The following DECR1 variants were observed in gnomAD, a reference collection of about 807,000 sequenced individuals.
DECR1 encodes 2,4-dienoyl-CoA reductase [(3E)-enoyl-CoA-producing], mitochondrial.
A neutral mutation model predicts 38.8 loss-of-function variants in DECR1; 44 were observed. That is an observed-to-expected ratio of 1.13 (90% CI 0.89 to 1.46). DECR1 has a LOEUF of 1.46. Among genes scored for constraint, DECR1 ranks in the 40% most tolerant of loss-of-function variants. The pLI, the probability that DECR1 is intolerant of heterozygous loss-of-function variation, is 0.00. For synonymous variants in DECR1, 148 were observed against 135.2 expected (o/e 1.09, Z -0.66); for missense variants, 428 against 405.5 (o/e 1.06, Z -0.48).
intron 5 of DECR1, among the ~76,000 whole-genome samples, chr8:90,032,508 C>T (rs548772517): frequency 1.3e-5 from 2 of 152,188 alleles, no homozygotes; most frequent in African/African-American, 4.8e-5. Flanking sequence ...TGTAATCTTT[C>T]TTAATGTCTT....
Position 90,017,217 on chromosome 8 carries a change from A to G in DECR1, c.163A>G (p.Asn55Asp), listed in dbSNP as rs1813030432. ...TCTTCAAAAAGCGATGCTACCACCT[A>G]ATAGTTTTCAAGGAAAAGTGGCATT... ...SPLQKAMLPPNSFQGKVAFIT... is the reference protein window; with the variant it reads ...SPLQKAMLPPDSFQGKVAFIT... Residue 55 changes from asparagine to aspartate, a missense_variant, in exon 2 of 10, where the codon AAT becomes GAT. By Grantham distance (23) the Asn-to-Asp change is conservative. Transcript: ENST00000220764. The G allele has an allele frequency of 6.2e-7, 1 of 1,613,954 alleles. No homozygotes were observed. Among genetic ancestry groups the G allele is most frequent in the African/African-American group, 1.3e-5 (1 of 74,902 alleles).
At chr8:90,005,832 A>G in intron 1 of DECR1, 1 of 300,732 alleles carries the variant, frequency 3.3e-6, no homozygotes, top group Non-Finnish European at 6.5e-6. Context: ...GGCTGCTTGC[A>G]CTTGTGGCAG....
intron 8 of DECR1, among the ~76,000 whole-genome samples, chr8:90,051,261 G>A (rs1205246941): frequency 6.6e-6 from 1 of 151,920 alleles, no homozygotes; most frequent in Non-Finnish European, 1.5e-5. Context: ...ATGGCTGAAG[G>A]GGAAGAGTCA....
In DECR1 at chr8:90,001,559, AG is replaced by A; in HGVS notation, c.69+1del. Reference protein sequence around the residue: ...SRLPCGLAPRRFFSYGTKILY... With the variant: ...SRLPCGLAPRXFFSYGTKILY... Reference sequence around the variant, plus strand: ...GCTGCCCTGTGGCCTCGCTCCTCGGAGGGTAAGGCGGCCGGGGGCGCGGGGA... The same window carrying A: ...GCTGCCCTGTGGCCTCGCTCCTCGGAGGTAAGGCGGCCGGGGGCGCGGGGA... On this transcript the variant is annotated frameshift_variant and splice_region_variant, in exon 1 of 10. Transcript: ENST00000220764. LOFTEE classifies it high-confidence loss of function. 3 of 1,611,978 alleles carry A rather than the reference AG, an allele frequency of 1.9e-6. No homozygotes were observed. The highest frequency in any genetic ancestry group is 2.5e-6 in the Non-Finnish European group (3 of 1,178,890).
intron 5 of DECR1, among the ~76,000 whole-genome samples, chr8:90,033,993 G>A (rs544527780): frequency 2.4e-4 from 36 of 152,120 alleles, no homozygotes; most frequent in Non-Finnish European, 4.3e-4. Context: ...CTTTCATGGA[G>A]TACGATTTTG....
intron 6 of DECR1, among the ~76,000 whole-genome samples, chr8:90,038,713 C>G (rs953721720): frequency 6.6e-6 from 1 of 152,102 alleles, no homozygotes; most frequent in African/African-American, 2.4e-5. Context: ...AGAGTCTGGT[C>G]CGTAGCTGGT....
intron 4 of DECR1, 101 bp from the exon 5 acceptor site, chr8:90,020,808 T>C (rs1813135331): frequency 2.2e-6 from 2 of 916,788 alleles, no homozygotes; most frequent in Admixed American, 3.9e-5. Flanking sequence ...ACTTCAACTT[T>C]ATTGTATTAT....
At chr8:90,003,785 C>G (rs1812675594) in intron 1 of DECR1, among the ~76,000 whole-genome samples, 1 of 151,670 alleles carries the variant, frequency 6.6e-6, no homozygotes, top group South Asian at 2.1e-4. Flanking sequence ...AGTAAAAATA[C>G]AAAAATTACT....
rs927312045 is a variant in DECR1 at position 90,042,740 on chromosome 8, T to C, written c.678T>C (p.Ala226=). ...TTTTAATTTTTAGGTCTCTTGCAGC[T>C]GAATGGGGTAAATATGGAATGCGAT... The part of the protein sequence containing the change: ...GVEAMSKSLA[A]EWGKYGMRFN... Residue 226 remains alanine, a synonymous_variant, in exon 7 of 10, where the codon GCT becomes GCC. Coordinates refer to ENST00000220764, the MANE Select transcript of DECR1 (RefSeq NM_001359.2). 2 of 1,613,264 alleles carry C rather than the reference T, an allele frequency of 1.2e-6. No individual in the cohort carries two copies. The highest frequency in any genetic ancestry group is 2.7e-5 in the African/African-American group (2 of 74,896).
chr8:90,050,515 C>G (rs1200134786), intron 8 of DECR1, among the ~76,000 whole-genome samples: 5 of 152,148 alleles, frequency 3.3e-5, no homozygotes. Flanking sequence ...ATTAAAGATT[C>G]AGGAAACAAC....
Position 90,021,005 on chromosome 8 carries a change from A to G in DECR1, c.514A>G (p.Thr172Ala), listed in dbSNP as rs1813144242. The stretch of plus-strand genomic sequence containing the variant: ...CATAACTGACATAGTTCTAAATGGC[A>G]CAGCCTTCGTGACACTAGAAATTGG... ...KTITDIVLNG[T>A]AFVTLEIGKQ... Residue 172 changes from threonine (T) to alanine (A), a missense_variant, in exon 5 of 10, where the codon ACA becomes GCA. Physicochemically the swap from Thr to Ala is moderately conservative, Grantham distance 58. Coordinates refer to ENST00000220764, the MANE Select transcript of DECR1 (RefSeq NM_001359.2). 1 of 1,596,944 alleles carries G rather than the reference A, an allele frequency of 6.3e-7. No individual in the cohort carries two copies. Among genetic ancestry groups the G allele is most frequent in the East Asian group, 2.3e-5 (1 of 43,934 alleles).
chr8:90,048,224 C>CA (rs1414162076), intron 8 of DECR1, among the ~76,000 whole-genome samples: 4 of 151,738 alleles, frequency 2.6e-5, no homozygotes, highest in East Asian at 1.9e-4. Flanking sequence ...AAAAACCCTT[C>CA]AAAAAATCAA....
At chr8:90,047,056 C>T (rs1294168098) in intron 8 of DECR1, among the ~76,000 whole-genome samples, 1 of 152,116 alleles carries the variant, frequency 6.6e-6, no homozygotes. Flanking sequence ...AAGGAACAAC[C>T]GGTACCAGCC....
chr8:90,022,837 C>A (rs933162674), intron 5 of DECR1, among the ~76,000 whole-genome samples: 4 of 152,016 alleles, frequency 2.6e-5, no homozygotes, highest in Non-Finnish European at 4.4e-5. Context: ...TCCCTTCTTC[C>A]CTCATTATTG....
intron 6 of DECR1, among the ~76,000 whole-genome samples, chr8:90,041,917 T>C (rs1294220538): frequency 6.6e-6 from 1 of 152,154 alleles, no homozygotes; most frequent in African/African-American, 2.4e-5. Context: ...ATGAATTCTT[T>C]TAAGCTACCT....
chr8:90,004,304 G>T lies in DECR1; in HGVS notation c.69+2743G>T, dbSNP rs533342360. Among the ~76,000 whole-genome samples, 7 of 150,378 alleles carry T rather than the reference G, an allele frequency of 4.7e-5. No homozygotes were observed. The East Asian group carries it at 1.2e-3, about 25-fold the overall frequency. ...AGAGGTTGCAGTGAGCCAAGATCAC[G>T]CCATTGCACTCCAGCCTGGGCAACA... On this transcript the variant is annotated intron_variant, in intron 1 of 9. Transcript: ENST00000220764.
intron 8 of DECR1, among the ~76,000 whole-genome samples, chr8:90,048,460 C>T (rs1328673203): frequency 6.6e-6 from 1 of 152,142 alleles, no homozygotes; most frequent in Non-Finnish European, 1.5e-5. Context: ...TTCCTGTACA[C>T]ATACACTCTC....
intron 5 of DECR1, chr8:90,030,401 G>A (rs998494237): frequency 2.0e-5 from 3 of 152,202 alleles, no homozygotes; most frequent in African/African-American, 7.2e-5. Flanking sequence ...TTATCAGGGT[G>A]CATTACTTCT....
chr8:90,008,956 T>A lies in DECR1; in HGVS notation c.69+7395T>A, dbSNP rs541432021. Among the ~76,000 whole-genome samples, 106 of 152,298 alleles carry A rather than the reference T, an allele frequency of 7.0e-4. 1 individual carries two copies. Among genetic ancestry groups the A allele is most frequent in the African/African-American group, 2.5e-3 (102 of 41,558 alleles). On this transcript the variant is annotated intron_variant, in intron 1 of 9. Transcript: ENST00000220764. Reference sequence around the variant, plus strand: ...TCTTGCCTGGCTTGTTATACAAGTGTCCTAATAGTTTCCCTGCTTCCAACC... The same window carrying A: ...TCTTGCCTGGCTTGTTATACAAGTGACCTAATAGTTTCCCTGCTTCCAACC...
Sources: gnomAD v4.1 joint callset for allele counts (sites outside exome capture counted in the v4.1 genomes callset) on GRCh38, gnomAD v4.1.1 for gene constraint, MANE v1.5 for transcripts, NCBI Gene and HGNC (gene_info 2026-07-23, HGNC 2026-07-21) for gene names.